The following KCNQ1 variants were observed in gnomAD, a reference collection of about 807,000 sequenced individuals.
KCNQ1 encodes the protein potassium voltage-gated channel subfamily Q member 1.
KCNQ1 carries 49 observed loss-of-function variants against 72.4 expected under a neutral mutation model. The observed-to-expected ratio is 0.68, with a 90% CI of 0.54 to 0.86. KCNQ1 has a LOEUF of 0.86. Among genes scored for constraint, KCNQ1 ranks in the 40% least tolerant of loss-of-function variants. The pLI is 0.00. For synonymous variants in KCNQ1, 450 were observed against 412.6 expected, an observed-to-expected ratio of 1.09 and a Z score of -1.10; for missense variants, 790 against 945.1, an observed-to-expected ratio of 0.84 and a Z score of 2.15.
At position 2,659,226 on chromosome 11, in the gene KCNQ1, C is replaced by G. The variant is rs1849906711; in HGVS notation, c.1394-2735C>G. On this transcript the variant is annotated intron_variant, in intron 10 of 15. Coordinates refer to ENST00000155840, the MANE Select transcript of KCNQ1 (RefSeq NM_000218.3). The surrounding 1 kb of genome is among the most constrained non-coding windows in gnomAD (Gnocchi z 4.3). ...GTATCATTCACAGAAGTTCCATACCCCTAAAAATACCCTGGGGTGAGTCTT... is the reference window on the plus strand; with the variant it reads ...GTATCATTCACAGAAGTTCCATACCGCTAAAAATACCCTGGGGTGAGTCTT... 2.5e-6 allele frequency: 1 copy of G among 398,616 alleles called. No homozygotes were observed. The allele number at this position is 398,616 out of a possible 1,614,324, so 24.7% of individuals were successfully genotyped here.
chr11:2,702,148 G>A (rs763511284), intron 11 of KCNQ1, among the ~76,000 whole-genome samples: 11 of 152,232 alleles, frequency 7.2e-5, no homozygotes, highest in Non-Finnish European at 1.5e-4. Flanking sequence ...CTCCCCAGGA[G>A]GTCAGGGGAG....
chr11:2,775,873 G>T, intron 12 of KCNQ1, 87 bp from the exon 13 acceptor site: 1 of 1,327,476 alleles, frequency 7.5e-7, no homozygotes. Context: ...CAAGCCTCCC[G>T]AGGGCAGACA....
At chr11:2,643,944 G>A (rs966862491) in intron 10 of KCNQ1, 8 of 398,458 alleles carry the variant, frequency 2.0e-5, no homozygotes, top group Non-Finnish European at 3.1e-5. Flanking sequence ...CTCCTGGCCT[G>A]TAAAGTTTCT....
Position 2,483,932 on chromosome 11 carries a change from G to A in KCNQ1, c.386+38448G>A, listed in dbSNP as rs796157090. 1.3e-5 allele frequency among the ~76,000 whole-genome samples: 2 copies of A among 152,270 alleles called. No homozygotes were observed. The highest frequency in any genetic ancestry group is 4.8e-5 in the African/African-American group (2 of 41,528). On this transcript the variant is annotated intron_variant, in intron 1 of 15. Transcript: ENST00000155840. This position sits in a 1 kb window ranked among gnomAD's most constrained non-coding sequence, Gnocchi z 6.1. ...CTGAGATTTTGCCCCGCTGATTTTA[G>A]TGCCCATCAGCTGGTTTTGCTTGTG... is the stretch of plus-strand genomic sequence containing the variant.
At chr11:2,806,935 G>A (rs986808207) in intron 15 of KCNQ1, among the ~76,000 whole-genome samples, 2 of 152,146 alleles carry the variant, frequency 1.3e-5, no homozygotes, top group Non-Finnish European at 2.9e-5. Flanking sequence ...CAGCACCAGC[G>A]GGGGCATGGG....
chr11:2,700,142 C>T (rs1162485702), intron 11 of KCNQ1: 1 of 397,334 alleles, frequency 2.5e-6, no homozygotes, highest in East Asian at 3.6e-5. Flanking sequence ...GTGCCGTGTC[C>T]TGTCATTGGC....
intron 11 of KCNQ1, among the ~76,000 whole-genome samples, chr11:2,737,847 T>G (rs1414003601): frequency 6.6e-6 from 1 of 152,108 alleles, no homozygotes; most frequent in Non-Finnish European, 1.5e-5. Context: ...ATCATGGACA[T>G]GAGGATGTGA....
intron 15 of KCNQ1, among the ~76,000 whole-genome samples, chr11:2,814,301 GGATA>G (rs1261262674): frequency 8.7e-5 from 13 of 149,374 alleles, no homozygotes; most frequent in East Asian, 2.0e-4. Flanking sequence ...ATGGATGGAT[GGATA>G]GATGGATGGA....
rs1300630524 is a variant in KCNQ1, at chr11:2,541,034, C to A, written c.477+13016C>A. Among the ~76,000 whole-genome samples, 2 of 152,246 alleles carry A rather than the reference C, an allele frequency of 1.3e-5. No homozygotes were observed. The highest frequency in any genetic ancestry group is 2.9e-5 in the Non-Finnish European group (2 of 68,042). On this transcript the variant is annotated intron_variant, in intron 2 of 15. Transcript: ENST00000155840. The surrounding 1 kb of genome is among the most constrained non-coding windows in gnomAD (Gnocchi z 4.8). ...GTGTGGACGTATGCACACATAGGTACCCATGTGGACACACTCACGTGTGTG... is the reference window on the plus strand; with the variant it reads ...GTGTGGACGTATGCACACATAGGTAACCATGTGGACACACTCACGTGTGTG...
At chr11:2,770,570 C>T (rs1306470666) in intron 12 of KCNQ1, among the ~76,000 whole-genome samples, 3 of 152,252 alleles carry the variant, frequency 2.0e-5, no homozygotes, top group African/African-American at 7.2e-5. Context: ...ACCTGCATCC[C>T]CCCAGGGAAG....
rs1849274710 is a variant in KCNQ1 at position 2,627,175 on chromosome 11, C to CT, written c.1394-34780dup. 1.0e-5 allele frequency: 4 copies of CT among 398,296 alleles called. No homozygotes were observed. Among genetic ancestry groups the CT allele is most frequent in the Admixed American group, 4.4e-5 (1 of 22,690 alleles). The allele number at this position is 398,296 out of a possible 1,614,324, so 24.7% of individuals were successfully genotyped here. A position where few individuals can be genotyped will look rare whatever the true frequency, so the allele number is the denominator to read the frequency against. ...GTTCCTAAGTTTGTTATTCTTGATGCTTTTTTCAGCTTTTATTGAGGTATA... is the reference window on the plus strand; with the variant it reads ...GTTCCTAAGTTTGTTATTCTTGATGCTTTTTTTCAGCTTTTATTGAGGTATA... On this transcript the variant is annotated intron_variant, in intron 10 of 15. Coordinates refer to ENST00000155840, the MANE Select transcript of KCNQ1 (RefSeq NM_000218.3). This position sits in a 1 kb window ranked among gnomAD's most constrained non-coding sequence, Gnocchi z 4.9.
intron 11 of KCNQ1, among the ~76,000 whole-genome samples, chr11:2,707,757 G>A (rs1440746213): frequency 6.6e-6 from 1 of 152,254 alleles, no homozygotes; most frequent in African/African-American, 2.4e-5. Context: ...GCCTTAGGAT[G>A]TAGAAGCTAC....
intron 6 of KCNQ1, among the ~76,000 whole-genome samples, chr11:2,574,532 G>A (rs1046510419): frequency 2.0e-5 from 3 of 152,310 alleles, no homozygotes; most frequent in Non-Finnish European, 4.4e-5. Context: ...CGTCTGCCCC[G>A]AGTCCTCCTT....
At chr11:2,801,561 G>A (rs138436870) in intron 15 of KCNQ1, among the ~76,000 whole-genome samples, 22 of 152,278 alleles carry the variant, frequency 1.4e-4, no homozygotes, top group African/African-American at 3.4e-4. Context: ...TTGCAAAGAC[G>A]TGAGTCCTAT....
At chr11:2,776,879 A>G in intron 13 of KCNQ1, 107 bp from the exon 14 acceptor site, 1 of 1,106,258 alleles carries the variant, frequency 9.0e-7, no homozygotes, top group South Asian at 1.3e-5. Context: ...GTGGGTGGAC[A>G]GTCCACTGTC....
intron 11 of KCNQ1, among the ~76,000 whole-genome samples, chr11:2,758,640 A>T (rs952331381): frequency 3.3e-5 from 5 of 152,238 alleles, no homozygotes; most frequent in Non-Finnish European, 7.3e-5. Context: ...AACTAGCTGA[A>T]AGCTGAGAAC....
chr11:2,623,505 G>C lies in KCNQ1; in HGVS notation c.1393+34651G>C, dbSNP rs1042276974. ...CATTGCCTTTTCTAAAATGCAATAT[G>C]ATTGGAATCATACAGTATGTAGTTT... On this transcript the variant is annotated intron_variant, in intron 10 of 15. Transcript: ENST00000155840. The surrounding 1 kb of genome is among the most constrained non-coding windows in gnomAD (Gnocchi z 5.2). 46 of 398,428 alleles carry C rather than the reference G, an allele frequency of 1.2e-4. No homozygotes were observed. Among genetic ancestry groups the C allele is most frequent in the Non-Finnish European group, 9.3e-5 (21 of 226,054 alleles). The allele number at this position is 398,428 out of a possible 1,614,324, so 24.7% of individuals were successfully genotyped here. A position where few individuals can be genotyped will look rare whatever the true frequency, so the allele number is the denominator to read the frequency against.
intron 1 of KCNQ1, among the ~76,000 whole-genome samples, chr11:2,506,846 G>A (rs1478889182): frequency 2.0e-5 from 3 of 152,184 alleles, no homozygotes; most frequent in Non-Finnish European, 4.4e-5. Flanking sequence ...TTTTCCCTGT[G>A]TCTAAAAGTC....
intron 15 of KCNQ1, among the ~76,000 whole-genome samples, chr11:2,841,907 TG>T (rs1848221755): frequency 6.6e-6 from 1 of 152,084 alleles, no homozygotes; most frequent in Non-Finnish European, 1.5e-5. Flanking sequence ...ACCCCGCTCC[TG>T]GGGGGTGGTC....
Sources: gnomAD v4.1 joint callset for allele counts (sites outside exome capture counted in the v4.1 genomes callset) on GRCh38, gnomAD v4.1.1 for gene constraint, Gnocchi (gnomAD v3.1) non-coding constraint, MANE v1.5 for transcripts, NCBI Gene and HGNC (gene_info 2026-07-23, HGNC 2026-07-21) for gene names.